Variants in FANCB observed in about 807,000 individuals in gnomAD.
FANCB encodes the protein FA complementation group B.
A neutral mutation model predicts 38.9 loss-of-function variants in FANCB; 5 were observed. The observed-to-expected ratio is 0.13, with a 90% CI of 0.07 to 0.27. The LOEUF (loss-of-function observed/expected upper bound fraction) is 0.27. Ranked by LOEUF, FANCB falls within the 10% of genes least tolerant of loss-of-function variation. FANCB has a pLI of 1.00. For synonymous variants in FANCB, 236 were observed against 215.4 expected (o/e 1.10, Z -0.84); for missense variants, 573 against 602.7 (o/e 0.95, Z 0.52).
the FANCB span, among the ~76,000 whole-genome samples, chrX:14,701,265 C>A: frequency 9.0e-6 from 1 of 111,187 alleles, no homozygotes; most frequent in East Asian, 2.8e-4. Context: ...TATGTAGGGG[C>A]ATCAATGTGC....
the FANCB span, among the ~76,000 whole-genome samples, chrX:14,821,351 AAG>A: frequency 9.0e-6 from 1 of 111,716 alleles, no homozygotes; most frequent in Non-Finnish European, 1.9e-5. Flanking sequence ...GAAAACCCTT[AAG>A]AGAGAGAAAA....
the FANCB span, among the ~76,000 whole-genome samples, chrX:14,812,860 C>T: frequency 3.7e-5 from 4 of 109,144 alleles, no homozygotes; most frequent in East Asian, 1.1e-3. Context: ...GAGATACAAC[C>T]AAAAAAGAGA....
At chrX:14,846,002 T>C (rs764144397) in intron 7 of FANCB, among the ~76,000 whole-genome samples, 1 of 111,801 alleles carries the variant, frequency 8.9e-6, no homozygotes, top group African/African-American at 3.2e-5. Context: ...AATTTGACCA[T>C]ATGTCTAATG....
At chrX:14,864,397 C>T (rs751946996) in intron 3 of FANCB, among the ~76,000 whole-genome samples, 163 bp downstream of exon 3, 1 of 111,351 alleles carries the variant, frequency 9.0e-6, no homozygotes, top group Non-Finnish European at 1.9e-5. Flanking sequence ...AGGTTGTACT[C>T]AGATAACCTT....
At chrX:14,787,557 AAAAT>A in the FANCB span, among the ~76,000 whole-genome samples, 1 of 110,669 alleles carries the variant, frequency 9.0e-6, no homozygotes, top group Non-Finnish European at 1.9e-5. Context: ...TTCACCACAA[AAAAT>A]AAGTAGGTAA....
At chrX:14,729,545 T>C in the FANCB span, among the ~76,000 whole-genome samples, 1 of 111,723 alleles carries the variant, frequency 9.0e-6, no homozygotes, top group Admixed American at 9.5e-5. Flanking sequence ...TTAAATATGG[T>C]AGAAATGATT....
chrX:14,857,064 T>A (rs747743939), intron 5 of FANCB, among the ~76,000 whole-genome samples: 75 of 111,810 alleles, frequency 6.7e-4, no homozygotes, highest in Non-Finnish European at 1.2e-3. Context: ...TGTGCAACTT[T>A]TAAATGGTTC....
the FANCB span, among the ~76,000 whole-genome samples, chrX:14,753,679 C>T: frequency 9.0e-6 from 1 of 111,012 alleles, no homozygotes; most frequent in Admixed American, 9.6e-5. Flanking sequence ...GTAGTGATTA[C>T]CGAGTTCCCA....
intron 1 of FANCB, among the ~76,000 whole-genome samples, chrX:14,870,231 TA>T (rs1194976409): frequency 1.8e-5 from 2 of 111,248 alleles, no homozygotes; most frequent in African/African-American, 6.5e-5. Flanking sequence ...AACTGGCATT[TA>T]AAAAAAATAG....
the FANCB span, among the ~76,000 whole-genome samples, chrX:14,703,478 T>C: frequency 8.9e-6 from 1 of 111,995 alleles, no homozygotes; most frequent in Non-Finnish European, 1.9e-5. Context: ...TGTGAGCACG[T>C]AGATCATCTA....
the FANCB span, among the ~76,000 whole-genome samples, chrX:14,761,401 A>G: frequency 9.0e-6 from 1 of 111,485 alleles, no homozygotes; most frequent in African/African-American, 3.3e-5. Context: ...CAGGGAGGTC[A>G]GTTGCAAACG....
At chrX:14,797,175 C>T in the FANCB span, among the ~76,000 whole-genome samples, 1 of 111,739 alleles carries the variant, frequency 8.9e-6, no homozygotes. Flanking sequence ...TTAACCATCA[C>T]AAAGACCTCA....
chrX:14,766,731 G>A, the FANCB span, among the ~76,000 whole-genome samples: 2 of 109,982 alleles, frequency 1.8e-5, no homozygotes, highest in Admixed American at 9.7e-5. Flanking sequence ...GGATGTGCAG[G>A]TTTGTTATAT....
the FANCB span, among the ~76,000 whole-genome samples, chrX:14,729,668 G>GTA: frequency 6.3e-5 from 7 of 111,175 alleles, no homozygotes; most frequent in Non-Finnish European, 7.5e-5. Flanking sequence ...GGGGGAACAG[G>GTA]TATATATATA....
chrX:14,740,550 G>C, the FANCB span, among the ~76,000 whole-genome samples: 1 of 111,973 alleles, frequency 8.9e-6, no homozygotes, highest in Non-Finnish European at 1.9e-5. Context: ...AAACAGCCAG[G>C]TAGTAAATGA....
chrX:14,770,662 T>G, the FANCB span, among the ~76,000 whole-genome samples: 58 of 112,024 alleles, frequency 5.2e-4, no homozygotes, highest in African/African-American at 1.7e-3. Context: ...ATGTATGAAT[T>G]TGATCCTGTC....
the FANCB span, among the ~76,000 whole-genome samples, chrX:14,822,067 A>AG: frequency 9.0e-6 from 1 of 111,450 alleles, no homozygotes; most frequent in Non-Finnish European, 1.9e-5. Flanking sequence ...ACCAGACTAG[A>AG]GTGCAAGAGG....
At chrX:14,794,345 A>C in the FANCB span, among the ~76,000 whole-genome samples, 1 of 111,521 alleles carries the variant, frequency 9.0e-6, no homozygotes, top group African/African-American at 3.3e-5. Context: ...CTATTAAACT[A>C]TAGAACACCA....
chrX:14,712,389 G>A, the FANCB span, among the ~76,000 whole-genome samples: 6 of 111,460 alleles, frequency 5.4e-5, no homozygotes, highest in Non-Finnish European at 7.5e-5. Context: ...AGAATCACTC[G>A]TCTACATGTT....
Sources: gnomAD v4.1 joint callset for allele counts (sites outside exome capture counted in the v4.1 genomes callset) on GRCh38, gnomAD v4.1.1 for gene constraint, MANE v1.5 for transcripts, NCBI Gene and HGNC (gene_info 2026-07-23, HGNC 2026-07-21) for gene names.